The following WDFY2 variants were observed in gnomAD, a reference collection of about 807,000 sequenced individuals.
WDFY2 encodes the protein WD repeat and FYVE domain containing 2.
In WDFY2, 36 loss-of-function variants were observed where a neutral mutation model predicts 56.4. The observed-to-expected ratio is 0.64, with a 90% CI of 0.49 to 0.84. WDFY2 has a LOEUF of 0.84. Among genes scored for constraint, WDFY2 ranks in the 40% least tolerant of loss-of-function variants. WDFY2 has a pLI of 0.00. For synonymous variants in WDFY2, 176 were observed against 183.7 expected (o/e 0.96, Z 0.34); for missense variants, 444 against 512.2 (o/e 0.87, Z 1.29).
intron 6 of WDFY2, among the ~76,000 whole-genome samples, chr13:51,736,747 TC>T (rs1244325099): frequency 1.3e-5 from 2 of 152,182 alleles, no homozygotes; most frequent in Non-Finnish European, 2.9e-5. Context: ...CGCCTTGGCC[TC>T]CCAAAGTGCT....
chr13:51,622,804 T>C (rs563858801), intron 1 of WDFY2, among the ~76,000 whole-genome samples: 2 of 151,972 alleles, frequency 1.3e-5, no homozygotes, highest in East Asian at 3.9e-4. Flanking sequence ...CATGTAATTA[T>C]AGTTTGAACT....
chr13:51,756,514 T>G, intron 10 of WDFY2, 52 bp downstream of exon 10: 1 of 1,584,204 alleles, frequency 6.3e-7, no homozygotes, highest in Non-Finnish European at 8.6e-7. Flanking sequence ...GAATTTAATC[T>G]GAGCCTTGCA....
At chr13:51,592,185 T>G (rs1428774706) in intron 1 of WDFY2, 3 of 152,096 alleles carry the variant, frequency 2.0e-5, no homozygotes, top group Non-Finnish European at 4.4e-5. Context: ...TGTACCAAAT[T>G]GAGCATTTGC....
intron 1 of WDFY2, among the ~76,000 whole-genome samples, chr13:51,604,565 G>A (rs1352198037): frequency 6.6e-6 from 1 of 152,158 alleles, no homozygotes; most frequent in Non-Finnish European, 1.5e-5. Flanking sequence ...GGACTATGTA[G>A]GACAATGCTG....
chr13:51,584,924 A>G lies in WDFY2; in HGVS notation c.137+100A>G. The stretch of plus-strand genomic sequence containing the variant: ...TGCCTTCACGTCGGCGCGAGTGTAG[A>G]CTTGCTCCCCCAAGTTTTATTGTAA... On this transcript the variant is annotated intron_variant, in intron 1 of 11. Transcript: ENST00000298125. 3 of 1,495,574 alleles carry G rather than the reference A, an allele frequency of 2.0e-6. No homozygotes were observed. In the South Asian group the frequency reaches 3.8e-5, roughly 19 times the overall value. The allele number at this position is 1,495,574 out of a possible 1,614,324, so 92.6% of individuals were successfully genotyped here. A position where few individuals can be genotyped will look rare whatever the true frequency, so the allele number is the denominator to read the frequency against.
rs868663395 is a variant in WDFY2, at chr13:51,692,358, A to G, written c.280-11238A>G. 6.4e-3 allele frequency among the ~76,000 whole-genome samples: 968 copies of G among 152,186 alleles called. 10 individuals are homozygous for G. The highest frequency in any genetic ancestry group is 0.018 in the African/African-American group (766 of 41,514). On this transcript the variant is annotated intron_variant, in intron 3 of 11. Coordinates refer to ENST00000298125, the MANE Select transcript of WDFY2 (RefSeq NM_052950.4). ...TCATAGATAGCTCTTATTATTTTGA[A>G]ATACGTCCCATCAATACCTAATTTA...
chr13:51,689,251 C>T lies in WDFY2; in HGVS notation c.279+14008C>T, dbSNP rs561969071. On this transcript the variant is annotated intron_variant, in intron 3 of 11. Coordinates refer to ENST00000298125, the MANE Select transcript of WDFY2 (RefSeq NM_052950.4). Reference sequence around the variant, plus strand: ...GGTGGGAGGGCACAAAAACCTGTTACCATTGATGAGAAAAGATGATGACAG... The same window carrying T: ...GGTGGGAGGGCACAAAAACCTGTTATCATTGATGAGAAAAGATGATGACAG... Among the ~76,000 whole-genome samples, 4 of 152,216 alleles carry T rather than the reference C, an allele frequency of 2.6e-5. No individual in the cohort carries two copies. The South Asian group carries it at 6.2e-4, about 24-fold the overall frequency.
chr13:51,683,387 C>T (rs997504441), intron 3 of WDFY2, among the ~76,000 whole-genome samples: 3 of 152,152 alleles, frequency 2.0e-5, no homozygotes, highest in Admixed American at 6.5e-5. Flanking sequence ...TCTCTGTATA[C>T]ACAAATATTT....
In WDFY2 at chr13:51,744,325, G is replaced by A. The variant is rs145065016; in HGVS notation, c.725+5150G>A. Among the ~76,000 whole-genome samples the A allele has an allele frequency of 4.4e-4, 67 of 152,326 alleles. 2 individuals are homozygous for A. The highest frequency in any genetic ancestry group is 2.1e-4 in the South Asian group (1 of 4,828). On this transcript the variant is annotated intron_variant, in intron 7 of 11. Transcript: ENST00000298125. The stretch of plus-strand genomic sequence containing the variant: ...GGATGAAGAAAGGCTTAAGTTGACC[G>A]TTGGGCAGATGTTAGCTTGTGTCTG...
chr13:51,737,774 G>C (rs1299455438), intron 6 of WDFY2, among the ~76,000 whole-genome samples: 1 of 152,172 alleles, frequency 6.6e-6, no homozygotes, highest in Non-Finnish European at 1.5e-5. Flanking sequence ...GTGTTTGGTT[G>C]CTGTTGTGGG....
chr13:51,626,412 C>CAACATACACAAAAATATAGG (rs1462921358), intron 1 of WDFY2, among the ~76,000 whole-genome samples: 2 of 152,038 alleles, frequency 1.3e-5, no homozygotes, highest in African/African-American at 4.8e-5. Context: ...AGGATTATAC[C>CAACATACACAAAAATATAGG]AACATACACA....
chr13:51,654,404 A>G (rs943567681), intron 1 of WDFY2, among the ~76,000 whole-genome samples: 2 of 152,124 alleles, frequency 1.3e-5, no homozygotes, highest in African/African-American at 4.8e-5. Flanking sequence ...TGCTGCACCC[A>G]CTGTCCTGCA....
intron 5 of WDFY2, among the ~76,000 whole-genome samples, chr13:51,724,648 T>TC (rs1320913301): frequency 6.6e-6 from 1 of 152,176 alleles, no homozygotes; most frequent in Non-Finnish European, 1.5e-5. Context: ...ATGCATGGCC[T>TC]CCCCATTACC....
intron 3 of WDFY2, among the ~76,000 whole-genome samples, chr13:51,678,870 A>T (rs1364163826): frequency 2.0e-5 from 3 of 152,188 alleles, no homozygotes; most frequent in Non-Finnish European, 4.4e-5. Context: ...TGAGGTCAGA[A>T]GACAGTGGGA....
At chr13:51,640,652 C>T (rs146616657) in intron 1 of WDFY2, among the ~76,000 whole-genome samples, 96 of 152,158 alleles carry the variant, frequency 6.3e-4, no homozygotes, top group African/African-American at 2.3e-3. Flanking sequence ...AGTTCGAGAC[C>T]AGCCTGGCCA....
At chr13:51,655,401 A>G (rs1955490047) in intron 1 of WDFY2, among the ~76,000 whole-genome samples, 1 of 151,576 alleles carries the variant, frequency 6.6e-6, no homozygotes, top group Non-Finnish European at 1.5e-5. Context: ...TTTTTTCATG[A>G]AAGATTGTTG....
intron 1 of WDFY2, among the ~76,000 whole-genome samples, chr13:51,606,074 C>T (rs1426522364): frequency 1.3e-5 from 2 of 152,166 alleles, no homozygotes; most frequent in South Asian, 4.1e-4. Context: ...TATCCCAGCT[C>T]CTCCACTGAC....
chr13:51,616,721 TAAA>T (rs1954623369), intron 1 of WDFY2, among the ~76,000 whole-genome samples: 1 of 152,208 alleles, frequency 6.6e-6, no homozygotes, highest in Non-Finnish European at 1.5e-5. Flanking sequence ...TGGTCGTGGC[TAAA>T]TTTAAGGAGG....
chr13:51,685,237 T>C (rs577108437), intron 3 of WDFY2, among the ~76,000 whole-genome samples: 3 of 152,332 alleles, frequency 2.0e-5, no homozygotes, highest in African/African-American at 7.2e-5. Flanking sequence ...TCACAGCCCT[T>C]AGTTCAAATT....
Sources: allele counts gnomAD v4.1 joint callset (sites outside exome capture counted in the v4.1 genomes callset), GRCh38; gene constraint gnomAD v4.1.1; transcripts MANE v1.5; gene names NCBI Gene and HGNC (gene_info 2026-07-23, HGNC 2026-07-21).